RIMS2: variants seen among roughly 807,000 people sequenced by gnomAD.
RIMS2 encodes regulating synaptic membrane exocytosis 2, also known as regulating synaptic membrane exocytosis protein 2.
Under a neutral mutation model 174.4 loss-of-function variants are expected in RIMS2, and 59 were observed. That is an observed-to-expected ratio of 0.34 (90% CI 0.27 to 0.42). The LOEUF is 0.42. RIMS2 is among the 10% of genes least tolerant of loss of function. RIMS2 has a pLI of 1.00. For missense variants in RIMS2, 1,620 were observed against 1,666.3 expected (o/e 0.97, Z 0.48); for synonymous variants, 606 against 572.5 (o/e 1.06, Z -0.84).
exon 4 of RIMS2, chr8:103,885,938 G>C (rs866881944): frequency 1.2e-6 from 2 of 1,612,918 alleles, no homozygotes; most frequent in African/African-American, 2.7e-5. Context: ...AGATAGACCA[G>C]ACTTGAGGCG....
chr8:103,506,524 G>T (rs1823706858), intron 1 of RIMS2, among the ~76,000 whole-genome samples: 1 of 151,560 alleles, frequency 6.6e-6, no homozygotes, highest in Non-Finnish European at 1.5e-5. Flanking sequence ...TAAACTCTGA[G>T]TTTCCTCATC....
At chr8:104,232,070 A>G (rs1166547496) in intron 19 of RIMS2, among the ~76,000 whole-genome samples, 1 of 152,164 alleles carries the variant, frequency 6.6e-6, no homozygotes, top group Admixed American at 6.5e-5. Context: ...TATCTTACCT[A>G]CTAAATTTAA....
chr8:103,648,578 A>T (rs961599310), intron 1 of RIMS2, among the ~76,000 whole-genome samples: 3 of 152,010 alleles, frequency 2.0e-5, no homozygotes, highest in African/African-American at 4.8e-5. Context: ...GGGAATTTTA[A>T]GTCGTTTTGT....
intron 14 of RIMS2, among the ~76,000 whole-genome samples, chr8:103,957,290 C>T (rs1280679915): frequency 6.6e-6 from 1 of 152,128 alleles, no homozygotes; most frequent in African/African-American, 2.4e-5. Flanking sequence ...AATGTAAGGA[C>T]ACATGTACAT....
intron 19 of RIMS2, among the ~76,000 whole-genome samples, chr8:104,182,048 T>A (rs908474009): frequency 2.3e-4 from 35 of 151,862 alleles, no homozygotes; most frequent in African/African-American, 7.9e-4. Context: ...TGGAAATATT[T>A]TATATGATTT....
chr8:104,202,494 A>AC (rs2099060078), intron 19 of RIMS2, among the ~76,000 whole-genome samples: 1 of 152,258 alleles, frequency 6.6e-6, no homozygotes, highest in South Asian at 2.1e-4. Context: ...AAAACGTACC[A>AC]CAGACTAGGT....
At chr8:103,698,375 C>A (rs371735203) in intron 2 of RIMS2, among the ~76,000 whole-genome samples, 7 of 152,112 alleles carry the variant, frequency 4.6e-5, no homozygotes, top group East Asian at 3.9e-4. Flanking sequence ...GTTAGCTGTA[C>A]GCTTTTCACA....
intron 21 of RIMS2, 53 bp downstream of exon 27, chr8:104,248,866 G>A: frequency 1.1e-6 from 1 of 881,938 alleles, no homozygotes. Context: ...TGTTGAAAAT[G>A]AAATTCTCTA....
At chr8:104,174,208 A>G (rs1232767650) in intron 19 of RIMS2, among the ~76,000 whole-genome samples, 4 of 152,110 alleles carry the variant, frequency 2.6e-5, no homozygotes, top group Non-Finnish European at 5.9e-5. Context: ...CAGCCTCCCA[A>G]AGTGCAGGGA....
intron 3 of RIMS2, among the ~76,000 whole-genome samples, chr8:103,775,440 C>T (rs750504561): frequency 2.0e-5 from 3 of 152,038 alleles, no homozygotes; most frequent in South Asian, 2.1e-4. Flanking sequence ...GATCTCATAA[C>T]CTTTATTCCT....
intron 17 of RIMS2, among the ~76,000 whole-genome samples, chr8:103,996,253 T>C (rs949926906): frequency 6.6e-6 from 1 of 151,800 alleles, no homozygotes; most frequent in Admixed American, 6.6e-5. Context: ...TTACTGTATA[T>C]TGATTCTATA....
intron 19 of RIMS2, among the ~76,000 whole-genome samples, chr8:104,218,013 G>A (rs1447062): frequency 0.32 from 49,012 of 152,052 alleles, 8,089 homozygotes; most frequent in African/African-American, 0.39. Flanking sequence ...ACTTGTATGT[G>A]AGGAATTAAG....
intron 19 of RIMS2, among the ~76,000 whole-genome samples, chr8:104,189,638 A>T (rs943620167): frequency 4.7e-5 from 7 of 148,850 alleles, no homozygotes; most frequent in African/African-American, 1.2e-4. Context: ...TATGTATACA[A>T]TTCTAAATAT....
In RIMS2 at chr8:103,885,341, G is replaced by A. The variant is rs764120867; in HGVS notation, c.742G>A (p.Asp248Asn). The change falls in exon 4 of 24, where the codon GAC becomes AAC. Residue 248 changes from aspartate to asparagine, a missense_variant. Asp to Asn is a conservative substitution (Grantham distance 23, BLOSUM62 1). Transcript: ENST00000504942. ...GTCCAGAGATCAGAATAGAAGATAC[G>A]ACCAAAGGGAAGAAAGAGAGGAATA... The A allele has an allele frequency of 3.7e-6, 6 of 1,610,128 alleles. No homozygotes were observed. The South Asian group carries it at 4.4e-5, about 12-fold the overall frequency.
intron 19 of RIMS2, among the ~76,000 whole-genome samples, chr8:104,115,813 T>C (rs2098269947): frequency 6.6e-6 from 1 of 152,144 alleles, no homozygotes; most frequent in Non-Finnish European, 1.5e-5. Flanking sequence ...AAAGTGCTGT[T>C]CCCCTTAAGC....
At chr8:104,123,218 GT>G (rs2098399365) in intron 19 of RIMS2, among the ~76,000 whole-genome samples, 1 of 151,888 alleles carries the variant, frequency 6.6e-6, no homozygotes, top group South Asian at 2.1e-4. Context: ...CTTTCACTCA[GT>G]ATGTGTATAT....
intron 1 of RIMS2, among the ~76,000 whole-genome samples, chr8:103,558,168 A>C (rs1385991286): frequency 3.3e-5 from 5 of 152,200 alleles, no homozygotes; most frequent in Non-Finnish European, 5.9e-5. Flanking sequence ...AAAACCCAGC[A>C]ATTCAAAATT....
rs551611836 is a variant in RIMS2 at position 103,836,462 on chromosome 8, G to A, written c.699-48836G>A. On this transcript the variant is annotated intron_variant, in intron 3 of 23. Coordinates refer to ENST00000504942, the Ensembl canonical transcript of RIMS2. ...CTGTCATCCCAGCTGCTTGGGAGGC[G>A]GATGCAGGAGGATCATTGAGCCCAA... Among the ~76,000 whole-genome samples, 13 of 152,228 alleles carry A rather than the reference G, an allele frequency of 8.5e-5. No homozygotes were observed. In the South Asian group the frequency reaches 2.7e-3, roughly 32 times the overall value.
chr8:103,994,407 T>C (rs1411323409), intron 17 of RIMS2, among the ~76,000 whole-genome samples: 1 of 152,188 alleles, frequency 6.6e-6, no homozygotes, highest in Non-Finnish European at 1.5e-5. Context: ...GTAAATGTAT[T>C]GTTTTTCTAT....
Sources: allele counts gnomAD v4.1 joint callset (sites outside exome capture counted in the v4.1 genomes callset), GRCh38; gene constraint gnomAD v4.1.1; transcripts MANE v1.5; gene names NCBI Gene and HGNC (gene_info 2026-07-23, HGNC 2026-07-21).